The following LTF variants were observed in gnomAD, a reference collection of about 807,000 sequenced individuals.
LTF encodes the protein lactotransferrin, also known as epididymis luminal protein 110.
A neutral mutation model predicts 87.2 loss-of-function variants in LTF; 91 were observed. That is an observed-to-expected ratio of 1.04 (90% CI 0.88 to 1.24). The LOEUF (loss-of-function observed/expected upper bound fraction) is 1.24, where lower values mean the gene tolerates loss of function less well. Ranked by LOEUF, LTF falls within the 50% of genes most tolerant of loss-of-function variation. LTF has a pLI of 0.00. For missense variants in LTF, 901 were observed against 904.3 expected (o/e 1.00, Z 0.05); for synonymous variants, 378 against 356.1 (o/e 1.06, Z -0.69).
chr3:46,474,513 A>G (rs1038309593), intron 1 of LTF, among the ~76,000 whole-genome samples: 1 of 152,230 alleles, frequency 6.6e-6, no homozygotes, highest in African/African-American at 2.4e-5. Context: ...ATAGTTGAAG[A>G]CTTCAAACCC....
intron 1 of LTF, among the ~76,000 whole-genome samples, chr3:46,478,434 G>A (rs1044408194): frequency 9.2e-5 from 14 of 152,202 alleles, no homozygotes; most frequent in Admixed American, 7.9e-4. Context: ...CAAAGGGCAG[G>A]TGACACACTT....
At chr3:46,444,201 C>T (rs895432250) in intron 12 of LTF, among the ~76,000 whole-genome samples, 5 of 152,120 alleles carry the variant, frequency 3.3e-5, no homozygotes, top group African/African-American at 1.2e-4. Flanking sequence ...GCAATGTGGG[C>T]CATGAGGTGA....
chr3:46,441,414 A>T lies in LTF; in HGVS notation c.1723+2T>A, dbSNP rs1182089644. ...AGGAGAAAAGGAAACACCTTCACCT[A>T]CCATCAGTGTTCTGCAAGACAGTGA... On this transcript the variant is annotated splice_donor_variant, in intron 14 of 16. Coordinates refer to ENST00000231751, the MANE Select transcript of LTF (RefSeq NM_002343.6). LOFTEE classifies it high-confidence loss of function. The T allele has an allele frequency of 6.2e-7, 1 of 1,611,008 alleles. No individual in the cohort carries two copies. The highest frequency in any genetic ancestry group is 1.6e-4 in the Middle Eastern group (1 of 6,078).
chr3:46,437,957 T>C lies in LTF; in HGVS notation c.2081A>G (p.Lys694Arg). Residue 694 changes from lysine (K) to arginine (R), a missense_variant, in exon 16 of 17, where the codon AAA becomes AGA. Physicochemically the swap from Lys to Arg is conservative, Grantham distance 26. Transcript: ENST00000231751. ...CTACTTACGGGAGGTTGAGCACTTT[T>C]TCAGATTAGTAATGCCTGCGACATA... ...PQYVAGITNLKKCSTSPLLEA... is the reference protein window; with the variant it reads ...PQYVAGITNLRKCSTSPLLEA... 1 of 1,614,052 alleles carries C rather than the reference T, an allele frequency of 6.2e-7. No homozygotes were observed. Among genetic ancestry groups the C allele is most frequent in the Non-Finnish European group, 8.5e-7 (1 of 1,179,986 alleles).
intron 14 of LTF, among the ~76,000 whole-genome samples, chr3:46,440,884 T>C (rs1244498577): frequency 1.3e-5 from 2 of 152,314 alleles, no homozygotes; most frequent in Non-Finnish European, 1.5e-5. Context: ...TGTTCAAACA[T>C]TGGCTGGAAG....
At chr3:46,439,121 G>T (rs1308580835) in intron 15 of LTF, among the ~76,000 whole-genome samples, 175 bp downstream of exon 15, 1 of 152,178 alleles carries the variant, frequency 6.6e-6, no homozygotes, top group Non-Finnish European at 1.5e-5. Flanking sequence ...AAAAGCCTCT[G>T]TTGTTCTTGT....
chr3:46,447,446 G>T, intron 9 of LTF, 48 bp from the exon 10 acceptor site: 3 of 1,276,902 alleles, frequency 2.3e-6, no homozygotes, highest in Non-Finnish European at 3.4e-6. Context: ...GCTGCATCCC[G>T]TCCTGCCTGT....
intron 5 of LTF, among the ~76,000 whole-genome samples, chr3:46,454,761 A>G (rs896032490): frequency 1.3e-5 from 2 of 152,146 alleles, no homozygotes; most frequent in African/African-American, 2.4e-5. Flanking sequence ...TAGTGCCAGC[A>G]GACAGAATGG....
At chr3:46,441,359 T>C (rs765951850) in intron 14 of LTF, 57 bp downstream of exon 14, 14 of 1,365,140 alleles carry the variant, frequency 1.0e-5, no homozygotes, top group Non-Finnish European at 1.3e-5. Context: ...AACACTAAGA[T>C]GTGTTGTGAT....
rs1327613353 is a variant in LTF at position 46,441,453 on chromosome 3, T to C, written c.1686A>G (p.Ala562=). 4 of 1,613,954 alleles carry C rather than the reference T, an allele frequency of 2.5e-6. No individual in the cohort carries two copies. The highest frequency in any genetic ancestry group is 3.3e-4 in the Middle Eastern group (2 of 6,062). ...RCLAENAGDV[A]FVKDVTVLQN... is the part of the protein sequence containing the mutation. ...GCAAGACAGTGACATCTTTCACAAA[T>C]GCAACGTCTCCAGCATTCTCAGCCA... Residue 562 remains alanine, a synonymous_variant, in exon 14 of 17, where the codon GCA becomes GCG. Coordinates refer to ENST00000231751, the MANE Select transcript of LTF (RefSeq NM_002343.6).
At chr3:46,464,678 C>T (rs1178755368) in intron 1 of LTF, 147 bp downstream of exon 1, 8 of 795,260 alleles carry the variant, frequency 1.0e-5, no homozygotes, top group Non-Finnish European at 1.6e-5. Flanking sequence ...GCCCCGCGTC[C>T]GGGCCGCCTC....
chr3:46,468,379 C>A (rs183044550), upstream of LTF: 581 of 454,138 alleles, frequency 1.3e-3, 2 homozygotes, highest in African/African-American at 5.2e-3. Context: ...GTTTAAGGAG[C>A]ACAAAGAAGG....
At chr3:46,443,217 G>A (rs975560514) in intron 13 of LTF, among the ~76,000 whole-genome samples, 5 of 152,214 alleles carry the variant, frequency 3.3e-5, no homozygotes, top group African/African-American at 1.2e-4. Context: ...GCCACAGGGA[G>A]AAGCACTGCG....
At position 46,448,983 on chromosome 3, in the gene LTF, G is replaced by A. The variant is rs2230894; in HGVS notation, c.1092C>T (p.Val364=). Residue 364 remains valine (V), a synonymous_variant, in exon 9 of 17, where the codon GTC becomes GTT. Transcript: ENST00000231751. ...EEEVAARRAR[V]VWCAVGEQEL... ...CCTGCTCGCCCACCGCACACCACAC[G>A]ACCCGCGCACGCCGGGCAGCCACTT... 272,646 of 1,611,860 alleles carry A rather than the reference G, an allele frequency of 0.17. 24,257 individuals carry two copies. Among genetic ancestry groups the A allele is most frequent in the South Asian group, 0.25 (23,162 of 90,948 alleles).
chr3:46,438,907 G>A, intron 15 of LTF, among the ~76,000 whole-genome samples: 1 of 152,152 alleles, frequency 6.6e-6, no homozygotes, highest in East Asian at 1.9e-4. Flanking sequence ...CTAGAGCACT[G>A]TTCACTCGGC....
intron 2 of LTF, among the ~76,000 whole-genome samples, chr3:46,458,389 G>A (rs771879135): frequency 8.5e-5 from 13 of 152,178 alleles, no homozygotes; most frequent in African/African-American, 1.9e-4. Context: ...ATTTCAAACA[G>A]GGATCTTATT....
chr3:46,436,440 G>C (rs1435820039), intron 16 of LTF, among the ~76,000 whole-genome samples: 2 of 152,186 alleles, frequency 1.3e-5, no homozygotes, highest in Non-Finnish European at 2.9e-5. Context: ...CAGCCAGGGT[G>C]TTTCCCTGCT....
rs547557330 is a variant in LTF at position 46,447,789 on chromosome 3, T to C, written c.1213-391A>G. Among the ~76,000 whole-genome samples the C allele has an allele frequency of 9.8e-4, 149 of 152,244 alleles. 3 individuals carry two copies. The highest frequency in any genetic ancestry group is 3.6e-3 in the African/African-American group (148 of 41,536). ...CTCCACTCCAAGCGCTACACAGAAG[T>C]TGTCCAACACATAAGCTGAAGTCGT... On this transcript the variant is annotated intron_variant, in intron 9 of 16. Transcript: ENST00000231751.
At chr3:46,440,858 C>T (rs1348213256) in intron 14 of LTF, among the ~76,000 whole-genome samples, 1 of 152,142 alleles carries the variant, frequency 6.6e-6, no homozygotes, top group African/African-American at 2.4e-5. Flanking sequence ...GGCTGAGGAC[C>T]AGGAGAGAGA....
Sources: allele counts gnomAD v4.1 joint callset (sites outside exome capture counted in the v4.1 genomes callset), GRCh38; gene constraint gnomAD v4.1.1; transcripts MANE v1.5; gene names NCBI Gene and HGNC (gene_info 2026-07-23, HGNC 2026-07-21).